Variants in ZNF385D observed in about 807,000 individuals in gnomAD.
The protein encoded by ZNF385D is zinc finger protein 385D.
Under a neutral mutation model 35.8 loss-of-function variants are expected in ZNF385D, and 15 were observed. The observed-to-expected ratio is 0.42, with a 90% CI of 0.28 to 0.64. The LOEUF is 0.64. Among genes scored for constraint, ZNF385D ranks in the 30% least tolerant of loss-of-function variants. The pLI is 0.23. For missense variants in ZNF385D, 474 were observed against 494.6 expected (o/e 0.96, Z 0.39); for synonymous variants, 212 against 186.8 (o/e 1.13, Z -1.10).
intron 3 of ZNF385D, among the ~76,000 whole-genome samples, chr3:21,925,995 T>C (rs1263478093): frequency 6.6e-6 from 1 of 152,154 alleles, no homozygotes; most frequent in African/African-American, 2.4e-5. Flanking sequence ...TTAGTAAAGA[T>C]GCAGAAAATC....
chr3:22,261,441 G>A (rs1355012142), intron 2 of ZNF385D, among the ~76,000 whole-genome samples: 1 of 151,932 alleles, frequency 6.6e-6, no homozygotes, highest in East Asian at 1.9e-4. Context: ...AATTTCACAG[G>A]AATAAAAGTC....
At chr3:22,303,646 A>G (rs1703042363) in intron 2 of ZNF385D, among the ~76,000 whole-genome samples, 1 of 152,178 alleles carries the variant, frequency 6.6e-6, no homozygotes. Context: ...CTATAATTAA[A>G]ATCAAACCGG....
intron 2 of ZNF385D, among the ~76,000 whole-genome samples, chr3:22,282,769 T>A (rs1019446032): frequency 6.6e-6 from 1 of 151,876 alleles, no homozygotes; most frequent in Non-Finnish European, 1.5e-5. Flanking sequence ...TATAAAATTA[T>A]AACACAATGA....
At chr3:21,930,850 T>C (rs1559765190) in intron 3 of ZNF385D, among the ~76,000 whole-genome samples, 1 of 152,080 alleles carries the variant, frequency 6.6e-6, no homozygotes, top group Non-Finnish European at 1.5e-5. Flanking sequence ...ATGTAACAGA[T>C]GAACTATGAG....
At chr3:22,169,623 A>G (rs149516142) in intron 2 of ZNF385D, among the ~76,000 whole-genome samples, 134 of 152,312 alleles carry the variant, frequency 8.8e-4, no homozygotes, top group African/African-American at 2.5e-3. Flanking sequence ...TACCTGACAC[A>G]CAAGAGAGGC....
chr3:21,902,049 A>G (rs1013195959), intron 3 of ZNF385D, among the ~76,000 whole-genome samples: 1 of 152,158 alleles, frequency 6.6e-6, no homozygotes, highest in Admixed American at 6.6e-5. Context: ...CTAAACTTCA[A>G]GTTCCATTCA....
At chr3:22,002,652 C>T (rs1034507008) in intron 3 of ZNF385D, among the ~76,000 whole-genome samples, 1 of 151,984 alleles carries the variant, frequency 6.6e-6, no homozygotes, top group African/African-American at 2.4e-5. Flanking sequence ...AAATTCTGCA[C>T]ATCAATATCC....
intron 3 of ZNF385D, among the ~76,000 whole-genome samples, chr3:21,763,328 G>A (rs942159974): frequency 6.6e-6 from 1 of 152,052 alleles, no homozygotes; most frequent in Non-Finnish European, 1.5e-5. Flanking sequence ...TATAACAAAG[G>A]TAATAACTCA....
intron 3 of ZNF385D, among the ~76,000 whole-genome samples, chr3:21,786,280 A>G (rs970143507): frequency 2.0e-5 from 3 of 152,170 alleles, no homozygotes; most frequent in African/African-American, 7.2e-5. Flanking sequence ...ACTGTGTCCT[A>G]CGCACGGCAT....
chr3:21,561,727 C>T (rs2062954171), intron 3 of ZNF385D, among the ~76,000 whole-genome samples: 2 of 152,280 alleles, frequency 1.3e-5, no homozygotes, highest in Non-Finnish European at 1.5e-5. Flanking sequence ...TCAGAACACA[C>T]ACAACGTTTA....
At chr3:22,332,230 T>C (rs1694971986) in intron 2 of ZNF385D, among the ~76,000 whole-genome samples, 1 of 152,130 alleles carries the variant, frequency 6.6e-6, no homozygotes, top group Non-Finnish European at 1.5e-5. Context: ...ATAAGTTCAC[T>C]CAACGGCTAG....
At chr3:22,097,999 T>C (rs1173692468) in intron 3 of ZNF385D, among the ~76,000 whole-genome samples, 1 of 152,000 alleles carries the variant, frequency 6.6e-6, no homozygotes, top group East Asian at 1.9e-4. Flanking sequence ...CTGTAACATT[T>C]TCCCCACAAA....
chr3:21,730,146 A>G (rs2068930285), intron 1 of ZNF385D, among the ~76,000 whole-genome samples: 2 of 152,210 alleles, frequency 1.3e-5, no homozygotes, highest in South Asian at 4.1e-4. Context: ...TCTTTCACCT[A>G]ATAGGCACAA....
intron 2 of ZNF385D, among the ~76,000 whole-genome samples, chr3:22,350,682 C>CT (rs202040547): frequency 0.022 from 3,343 of 151,892 alleles, 119 homozygotes; most frequent in African/African-American, 0.076. Flanking sequence ...TAATGTATTT[C>CT]TTTTTTTTGT....
intron 1 of ZNF385D, among the ~76,000 whole-genome samples, chr3:21,716,623 T>C (rs1395648195): frequency 2.0e-5 from 3 of 152,122 alleles, no homozygotes; most frequent in Admixed American, 2.0e-4. Flanking sequence ...AGTTCACCTT[T>C]TCATTGAAAT....
chr3:21,741,269 C>T (rs752743246), intron 1 of ZNF385D, among the ~76,000 whole-genome samples: 24 of 152,260 alleles, frequency 1.6e-4, no homozygotes, highest in East Asian at 7.7e-4. Context: ...GTGCCATAAA[C>T]GAAGTGATTC....
chr3:22,341,230 A>C (rs953430238), intron 2 of ZNF385D, among the ~76,000 whole-genome samples: 1 of 152,204 alleles, frequency 6.6e-6, no homozygotes, highest in Admixed American at 6.5e-5. Flanking sequence ...TATTATAATA[A>C]TGCTTTTATC....
intron 3 of ZNF385D, among the ~76,000 whole-genome samples, chr3:21,796,670 G>A (rs2072166941): frequency 6.6e-6 from 1 of 152,114 alleles, no homozygotes; most frequent in African/African-American, 2.4e-5. Context: ...AATCATGGAA[G>A]GTAACACAGG....
At chr3:21,519,507 G>T (rs1184862290) in intron 3 of ZNF385D, among the ~76,000 whole-genome samples, 1 of 152,094 alleles carries the variant, frequency 6.6e-6, no homozygotes, top group African/African-American at 2.4e-5. Context: ...AGAAACCCTT[G>T]CTTTTGTATA....
Sources: allele counts gnomAD v4.1 joint callset (sites outside exome capture counted in the v4.1 genomes callset), GRCh38; gene constraint gnomAD v4.1.1; transcripts MANE v1.5; gene names NCBI Gene and HGNC (gene_info 2026-07-23, HGNC 2026-07-21).